The following CEP120 variants were observed in gnomAD, a reference collection of about 807,000 sequenced individuals.
The protein encoded by CEP120 is centrosomal protein of 120 kDa.
In CEP120, 113 loss-of-function variants were observed where a neutral mutation model predicts 126.5. That is an observed-to-expected ratio of 0.89 (90% CI 0.77 to 1.04). The LOEUF is 1.04. CEP120 is among the 50% of genes least tolerant of loss of function. The probability of loss-of-function intolerance (pLI) is 0.00; values close to 1 mark genes in which losing one functional copy is unlikely to be tolerated. For synonymous variants in CEP120, 400 were observed against 394.3 expected, an observed-to-expected ratio of 1.01 and a Z score of -0.17; for missense variants, 1,230 against 1,155.7, an observed-to-expected ratio of 1.06 and a Z score of -0.93.
At position 123,399,303 on chromosome 5, in the gene CEP120, G is replaced by A. The variant is rs776387918; in HGVS notation, c.464-19C>T. Reference sequence around the variant, plus strand: ...GCAGGTACTTTACAGAGAAAAACACGATTAAACTACATTGTAGTTTGTCAT... The same window carrying A: ...GCAGGTACTTTACAGAGAAAAACACAATTAAACTACATTGTAGTTTGTCAT... On this transcript the variant is annotated intron_variant, in intron 4 of 19. Transcript: ENST00000306467. 16 of 1,610,294 alleles carry A rather than the reference G, an allele frequency of 9.9e-6. No individual in the cohort carries two copies. Among genetic ancestry groups the A allele is most frequent in the East Asian group, 4.5e-5 (2 of 44,864 alleles).
chr5:123,382,903 C>A lies in CEP120; in HGVS notation c.1861-14G>T. 6.2e-7 allele frequency: 1 copy of A among 1,610,028 alleles called. No homozygotes were observed. The highest frequency in any genetic ancestry group is 1.3e-5 in the African/African-American group (1 of 74,688). On this transcript the variant is annotated splice_polypyrimidine_tract_variant and intron_variant, in intron 12 of 19. Coordinates refer to ENST00000306467, the MANE Select transcript of CEP120 (RefSeq NM_001375405.1). ...GGCAGATACACCCTAAGAGATGAAC[C>A]AAAAAGTACATTTAAACACTCACAC... is the stretch of plus-strand genomic sequence containing the variant.
Position 123,346,743 on chromosome 5 carries a change from G to C in CEP120, c.2737C>G (p.Gln913Glu). The C allele has an allele frequency of 6.2e-7, 1 of 1,604,086 alleles. No homozygotes were observed. The highest frequency in any genetic ancestry group is 8.5e-7 in the Non-Finnish European group (1 of 1,176,552). ...GAATCCTGGTATTGTTTTTGCTCTTGTTGCCTTAACCTGAGAAGTCAAGAA... is the reference window on the plus strand; with the variant it reads ...GAATCCTGGTATTGTTTTTGCTCTTCTTGCCTTAACCTGAGAAGTCAAGAA... ...IRNELNRLRQQEQKQYQDSTE... is the reference protein window; with the variant it reads ...IRNELNRLRQEEQKQYQDSTE... Residue 913 changes from glutamine (Q) to glutamate (E), a missense_variant, in exon 20 of 20, where the codon CAA becomes GAA. By Grantham distance (29) the Gln-to-Glu change is conservative (BLOSUM62 2). Transcript: ENST00000306467.
chr5:123,378,390 T>G lies in CEP120; in HGVS notation c.2142A>C (p.Lys714Asn), dbSNP rs1483451719. The G allele has an allele frequency of 1.2e-6, 2 of 1,608,232 alleles. No homozygotes were observed. Among genetic ancestry groups the G allele is most frequent in the Admixed American group, 1.7e-5 (1 of 58,926 alleles). ...EYTILEGKLQ[K>N]TLIDLEKREQ... ...CTCGCTTCTCCAAGTCAATTAGAGT[T>G]TTTTGAAGTTTTCCTTCTAGAATAG... The change falls in exon 15 of 20, where the codon AAA becomes AAC. Residue 714 changes from lysine (K) to asparagine (N), a missense_variant. Lys to Asn is a moderately conservative substitution (Grantham distance 94). Coordinates refer to ENST00000306467, the MANE Select transcript of CEP120 (RefSeq NM_001375405.1).
At position 123,386,069 on chromosome 5, in the gene CEP120, T is replaced by G. The variant is rs554475363; in HGVS notation, c.1580+449A>C. 3.9e-5 allele frequency among the ~76,000 whole-genome samples: 6 copies of G among 152,284 alleles called. No individual in the cohort carries two copies. The East Asian group carries it at 1.2e-3, about 29-fold the overall frequency. ...AAAAGGTGTTTCGCAGATCTCAGAT[T>G]TTTTCATGAATCCATTTCAGATAGT... On this transcript the variant is annotated intron_variant, in intron 10 of 19. Coordinates refer to ENST00000306467, the MANE Select transcript of CEP120 (RefSeq NM_001375405.1).
chr5:123,356,726 G>T (rs1157405941), intron 18 of CEP120, among the ~76,000 whole-genome samples: 1 of 151,818 alleles, frequency 6.6e-6, no homozygotes, highest in African/African-American at 2.4e-5. Flanking sequence ...TTCAACTTCA[G>T]ATAATGCAAC....
intron 4 of CEP120, among the ~76,000 whole-genome samples, chr5:123,406,243 TA>T (rs1198631493): frequency 6.7e-6 from 1 of 148,230 alleles, no homozygotes; most frequent in African/African-American, 2.5e-5. Flanking sequence ...AACGGTGTAA[TA>T]AACACAGACT....
At chr5:123,390,225 A>T in intron 7 of CEP120, 85 bp from the exon 8 acceptor site, 1 of 1,006,612 alleles carries the variant, frequency 9.9e-7, no homozygotes, top group South Asian at 1.4e-5. Flanking sequence ...TTTTTTAAAA[A>T]TATAAGCTTC....
Position 123,378,367 on chromosome 5 carries a change from C to T in CEP120, c.2165G>A (p.Arg722Gln), listed in dbSNP as rs773930908. The T allele has an allele frequency of 3.7e-6, 6 of 1,608,262 alleles. No individual in the cohort carries two copies. Among genetic ancestry groups the T allele is most frequent in the South Asian group, 3.3e-5 (3 of 90,400 alleles). ...LQKTLIDLEK[R>Q]EQQLASVESE... ...TTCCACACTAGCAAGCTGCTGCTCT[C>T]GCTTCTCCAAGTCAATTAGAGTTTT... The change falls in exon 15 of 20, where the codon CGA (arginine) becomes CAA (glutamine). Residue 722 changes from arginine (R) to glutamine (Q), a missense_variant. Physicochemically the swap from Arg to Gln is conservative, Grantham distance 43. Coordinates refer to ENST00000306467, the MANE Select transcript of CEP120 (RefSeq NM_001375405.1).
chr5:123,398,875 T>G (rs1772982294), intron 5 of CEP120, among the ~76,000 whole-genome samples: 1 of 152,190 alleles, frequency 6.6e-6, no homozygotes, highest in African/African-American at 2.4e-5. Context: ...TGCCACACAG[T>G]ACAATGGAAA....
At chr5:123,421,931 G>T (rs957006120) in intron 1 of CEP120, among the ~76,000 whole-genome samples, 1 of 152,086 alleles carries the variant, frequency 6.6e-6, no homozygotes, top group African/African-American at 2.4e-5. Flanking sequence ...CCCTCACACA[G>T]TGCCAGGCCT....
intron 4 of CEP120, among the ~76,000 whole-genome samples, chr5:123,408,169 TAGAAG>T: frequency 6.6e-6 from 1 of 152,116 alleles, no homozygotes. Context: ...ATATGTCTGT[TAGAAG>T]AGAAGATCTA....
chr5:123,404,146 C>T (rs972337193), intron 4 of CEP120, among the ~76,000 whole-genome samples: 2 of 138,912 alleles, frequency 1.4e-5, no homozygotes, highest in Admixed American at 7.3e-5. Context: ...TCAAACAGTC[C>T]AGGGAAAAAT....
chr5:123,400,680 G>A (rs1773139541), intron 4 of CEP120, among the ~76,000 whole-genome samples: 1 of 108,220 alleles, frequency 9.2e-6, no homozygotes, highest in Non-Finnish European at 1.8e-5. Context: ...TTTTTGCAGA[G>A]CTAGCTGAGG....
chr5:123,418,929 A>G (rs1774547106), intron 1 of CEP120, among the ~76,000 whole-genome samples: 1 of 152,194 alleles, frequency 6.6e-6, no homozygotes, highest in Admixed American at 6.5e-5. Flanking sequence ...TGTGGTTGAC[A>G]TGCATTCCAT....
intron 4 of CEP120, 112 bp downstream of exon 4, chr5:123,412,287 C>G (rs1009140618): frequency 6.5e-6 from 6 of 925,578 alleles, no homozygotes; most frequent in African/African-American, 1.7e-5. Context: ...CAATATTTGT[C>G]TGATGAACAG....
At chr5:123,406,611 A>G (rs1047528858) in intron 4 of CEP120, among the ~76,000 whole-genome samples, 2 of 150,150 alleles carry the variant, frequency 1.3e-5, no homozygotes, top group African/African-American at 4.9e-5. Flanking sequence ...CCACCACCCT[A>G]GAATTCTGTG....
At chr5:123,409,850 A>G (rs1773918427) in intron 4 of CEP120, among the ~76,000 whole-genome samples, 1 of 151,722 alleles carries the variant, frequency 6.6e-6, no homozygotes, top group Non-Finnish European at 1.5e-5. Flanking sequence ...CCAGCTACTC[A>G]GGAGGCTGAG....
chr5:123,414,561 A>G (rs1774262141), intron 3 of CEP120, among the ~76,000 whole-genome samples: 1 of 152,182 alleles, frequency 6.6e-6, no homozygotes, highest in South Asian at 2.1e-4. Context: ...TATTATTTTA[A>G]TTGTTTAACT....
chr5:123,394,901 T>G (rs1772664941), intron 5 of CEP120, among the ~76,000 whole-genome samples: 1 of 152,186 alleles, frequency 6.6e-6, no homozygotes, highest in African/African-American at 2.4e-5. Context: ...AATTACTTAA[T>G]CACTGTGTGT....
Sources: allele counts gnomAD v4.1 joint callset (sites outside exome capture counted in the v4.1 genomes callset), GRCh38; gene constraint gnomAD v4.1.1; transcripts MANE v1.5; gene names NCBI Gene and HGNC (gene_info 2026-07-23, HGNC 2026-07-21).